The following F8 variants were observed in gnomAD, a reference collection of about 807,000 sequenced individuals.
F8 encodes the protein coagulation factor VIII.
F8 carries 12 observed loss-of-function variants against 140.6 expected under a neutral mutation model. The observed-to-expected ratio is 0.09, with a 90% CI of 0.05 to 0.14. F8 has a LOEUF of 0.14. Ranked by LOEUF, F8 falls within the 10% of genes least tolerant of loss-of-function variation. F8 has a pLI of 1.00. For missense variants in F8, 1,354 were observed against 1,720.7 expected (o/e 0.79, Z 3.77); for synonymous variants, 585 against 614.6 (o/e 0.95, Z 0.71).
chrX:154,966,211 A>G (rs999307233), intron 8 of F8, 70 bp from the exon 9 acceptor site: 15 of 1,056,160 alleles, frequency 1.4e-5, no homozygotes, highest in Non-Finnish European at 1.7e-5. Flanking sequence ...CAACTCTAAA[A>G]CAGCTTATAT....
chrX:154,855,192 G>A (rs1311735295), intron 25 of F8, among the ~76,000 whole-genome samples: 1 of 111,830 alleles, frequency 8.9e-6, no homozygotes, highest in Non-Finnish European at 1.9e-5. Flanking sequence ...AAGGGTCTTG[G>A]TGACTATGTA....
chrX:154,913,965 C>G (rs1176506902), intron 14 of F8, among the ~76,000 whole-genome samples: 2 of 113,137 alleles, frequency 1.8e-5, no homozygotes, highest in African/African-American at 6.4e-5. Flanking sequence ...CCCCACATTT[C>G]TTTTCCTCAC....
At chrX:154,916,254 G>T (rs982089373) in intron 14 of F8, among the ~76,000 whole-genome samples, 18 of 111,859 alleles carry the variant, frequency 1.6e-4, no homozygotes, top group African/African-American at 5.5e-4. Context: ...AGCGAAGTTG[G>T]CCTGTAGTTT....
intron 1 of F8, among the ~76,000 whole-genome samples, chrX:155,013,194 T>TTGGC (rs1557286787): frequency 9.2e-6 from 1 of 109,176 alleles, no homozygotes; most frequent in African/African-American, 3.4e-5. Context: ...TTGATATGGT[T>TTGGC]TGGCTGTGTC....
At chrX:154,954,889 G>A (rs1435597821) in intron 11 of F8, among the ~76,000 whole-genome samples, 1 of 111,445 alleles carries the variant, frequency 9.0e-6, no homozygotes, top group Non-Finnish European at 1.9e-5. Flanking sequence ...TGGCACCAAA[G>A]TTCATATACT....
At chrX:154,842,584 A>T (rs185079364) in intron 25 of F8, among the ~76,000 whole-genome samples, 3 of 112,039 alleles carry the variant, frequency 2.7e-5, no homozygotes, top group Admixed American at 9.5e-5. Context: ...TATTTGACAC[A>T]TGGGTTTAAA....
chrX:154,922,657 G>T (rs782342683), intron 14 of F8, among the ~76,000 whole-genome samples: 2 of 112,195 alleles, frequency 1.8e-5, no homozygotes, highest in Admixed American at 9.5e-5. Flanking sequence ...AAGAGAACTT[G>T]CATTAGAGTA....
Position 154,906,426 on chromosome X carries a change from A to G in F8, c.5367T>C (p.Asn1789=), listed in dbSNP as rs781940415. The G allele has an allele frequency of 4.1e-6, 5 of 1,208,964 alleles. No individual in the cohort carries two copies. The South Asian group carries it at 8.8e-5, about 21-fold the overall frequency. ...TCCACTGTCCTTAACTCACCATGAT[A>G]TTATCTTCAACTTCTGCTCTTATAT... The part of the protein sequence containing the change: ...GPYIRAEVED[N]IMVTFRNQAS... The change falls in exon 15 of 26, where the codon AAT becomes AAC. Residue 1789 remains asparagine (N), a synonymous_variant. Coordinates refer to ENST00000360256, the MANE Select transcript of F8 (RefSeq NM_000132.4).
intron 6 of F8, 136 bp from the exon 7 acceptor site, chrX:154,969,688 C>T (rs1188849845): frequency 1.9e-6 from 1 of 532,107 alleles, no homozygotes; most frequent in African/African-American, 2.3e-5. Flanking sequence ...TTATCAAGAA[C>T]ATTGGGCTAC....
rs977273826 is a variant in F8 at position 154,982,470 on chromosome X, T to A, written c.787+2217A>T. Among the ~76,000 whole-genome samples the A allele has an allele frequency of 2.0e-3, 205 of 103,927 alleles. 2 individuals are homozygous for A. The highest frequency in any genetic ancestry group is 6.9e-3 in the African/African-American group (197 of 28,489). The allele number at this position is 103,927 out of a possible 115,157, so 90.2% of individuals were successfully genotyped here. On this transcript the variant is annotated intron_variant, in intron 6 of 25. Transcript: ENST00000360256. ...CAAAAAAAAAAAAAAAAAAAATATA[T>A]ATATATATGTATACACACTTATATA...
chrX:154,992,660 C>T (rs1478653535), intron 4 of F8, among the ~76,000 whole-genome samples: 2 of 111,833 alleles, frequency 1.8e-5, no homozygotes, highest in East Asian at 5.6e-4. Context: ...TGATAAAGCC[C>T]ACAGATTTGA....
At position 154,899,884 on chromosome X, in the gene F8, C is replaced by T; in HGVS notation, c.6255G>A (p.Glu2085=). ...SGSINAWSTK[E]PFSWIKVDLL... The stretch of plus-strand genomic sequence containing the variant: ...TTCTAACCTTGATCCAAGAAAAGGG[C>T]TCCTTGGTGCTCCAGGCATTGATTG... Residue 2085 remains glutamate (E), a synonymous_variant, in exon 21 of 26, where the codon GAG becomes GAA. Coordinates refer to ENST00000360256, the MANE Select transcript of F8 (RefSeq NM_000132.4). 8.3e-7 allele frequency: 1 copy of T among 1,210,647 alleles called. No individual in the cohort carries two copies. The highest frequency in any genetic ancestry group is 1.1e-6 in the Non-Finnish European group (1 of 894,515).
intron 1 of F8, among the ~76,000 whole-genome samples, chrX:155,007,968 G>C (rs782556165): frequency 9.0e-6 from 1 of 111,216 alleles, no homozygotes; most frequent in African/African-American, 3.3e-5. Context: ...TAATCTTGGC[G>C]TAACTTAGCC....
At chrX:154,880,929 A>G (rs1238269190) in intron 22 of F8, among the ~76,000 whole-genome samples, 1 of 109,712 alleles carries the variant, frequency 9.1e-6, no homozygotes, top group Admixed American at 9.6e-5. Context: ...GTTCACCAGT[A>G]TGAGTAATAT....
At chrX:154,862,630 CATG>C (rs2072701938) in intron 23 of F8, among the ~76,000 whole-genome samples, 1 of 111,317 alleles carries the variant, frequency 9.0e-6, no homozygotes, top group African/African-American at 3.3e-5. Flanking sequence ...TATGAGAACA[CATG>C]ATATTTGGTT....
Position 154,876,288 on chromosome X carries a change from G to T in F8, c.6430-13061C>A, listed in dbSNP as rs781926153. Among the ~76,000 whole-genome samples, 339 of 109,233 alleles carry T rather than the reference G, an allele frequency of 3.1e-3. 1 individual carries two copies. Among genetic ancestry groups the T allele is most frequent in the Middle Eastern group, 0.014 (3 of 210 alleles). 94.9% of individuals were successfully genotyped at this position (109,233 alleles called of 115,157 possible). A position where few individuals can be genotyped will look rare whatever the true frequency, so the allele number is the denominator to read the frequency against. ...GCGCCCACCACCACACCCAGCTAAT[G>T]TTTTGTATTTTTAGTAGAGACGGTG... On this transcript the variant is annotated intron_variant, in intron 22 of 25. Coordinates refer to ENST00000360256, the MANE Select transcript of F8 (RefSeq NM_000132.4).
chrX:154,948,240 G>A (rs1284875853), intron 12 of F8, among the ~76,000 whole-genome samples: 1 of 111,305 alleles, frequency 9.0e-6, no homozygotes, highest in Non-Finnish European at 1.9e-5. Context: ...ACCATCTGAT[G>A]AAGGTCCAGA....
At chrX:154,913,386 T>C (rs1557276893) in intron 14 of F8, among the ~76,000 whole-genome samples, 1 of 111,530 alleles carries the variant, frequency 9.0e-6, no homozygotes, top group African/African-American at 3.3e-5. Context: ...CCAAATCTCA[T>C]GTCCTCACAT....
chrX:154,844,072 G>A (rs781990051), intron 25 of F8, among the ~76,000 whole-genome samples: 75 of 111,355 alleles, frequency 6.7e-4, no homozygotes, highest in African/African-American at 2.4e-3. Flanking sequence ...TCTTGTTTTT[G>A]TCAGGTTTGT....
Sources: allele counts gnomAD v4.1 joint callset (sites outside exome capture counted in the v4.1 genomes callset), GRCh38; gene constraint gnomAD v4.1.1; transcripts MANE v1.5; gene names NCBI Gene and HGNC (gene_info 2026-07-23, HGNC 2026-07-21).